The following CD300E variants were observed in gnomAD, a reference collection of about 807,000 sequenced individuals.
CD300E encodes CMRF35-like molecule 2.
In CD300E, 14 loss-of-function variants were observed where a neutral mutation model predicts 20.9. The observed-to-expected ratio is 0.67, with a 90% CI of 0.44 to 1.05. The LOEUF (loss-of-function observed/expected upper bound fraction) is 1.05, where lower values mean the gene tolerates loss of function less well. Ranked by LOEUF, CD300E falls within the 50% of genes least tolerant of loss-of-function variation. The probability of loss-of-function intolerance (pLI) is 0.00; values close to 1 mark genes in which losing one functional copy is unlikely to be tolerated. For synonymous variants in CD300E, 102 were observed against 103.7 expected, an observed-to-expected ratio of 0.98 and a Z score of 0.10; for missense variants, 237 against 253.9, an observed-to-expected ratio of 0.93 and a Z score of 0.45.
intron 3 of CD300E, among the ~76,000 whole-genome samples, chr17:74,613,235 G>T (rs1249453867): frequency 1.3e-5 from 2 of 152,186 alleles, no homozygotes; most frequent in Non-Finnish European, 2.9e-5. Context: ...CTCCTGAGTA[G>T]CTGGGACTAC....
intron 1 of CD300E, among the ~76,000 whole-genome samples, chr17:74,620,102 G>A (rs2030988871): frequency 1.3e-5 from 2 of 152,234 alleles, no homozygotes; most frequent in Admixed American, 1.3e-4. Flanking sequence ...ACTTTGGGAG[G>A]CCGAGGCAGG....
chr17:74,622,559 T>A (rs1251590608), intron 1 of CD300E, among the ~76,000 whole-genome samples: 1 of 152,208 alleles, frequency 6.6e-6, no homozygotes, highest in Non-Finnish European at 1.5e-5. Flanking sequence ...AAGAATGTCC[T>A]CTAATTTTTA....
chr17:74,620,938 G>A (rs1031716735), intron 1 of CD300E, among the ~76,000 whole-genome samples: 2 of 152,074 alleles, frequency 1.3e-5, no homozygotes, highest in African/African-American at 4.8e-5. Flanking sequence ...AGCTACTCGG[G>A]AGGCCGAGGC....
At chr17:74,619,291 G>T in intron 1 of CD300E, 1 of 374,432 alleles carries the variant, frequency 2.7e-6, no homozygotes, top group Non-Finnish European at 5.4e-6. Context: ...AGGGATCCTT[G>T]CTGGAGAGCT....
At chr17:74,622,471 A>G (rs2031042362) in intron 1 of CD300E, among the ~76,000 whole-genome samples, 1 of 152,206 alleles carries the variant, frequency 6.6e-6, no homozygotes, top group African/African-American at 2.4e-5. Context: ...ACCCTTCTAG[A>G]AAGAATCTTG....
chr17:74,623,531 A>G (rs1292236578), intron 1 of CD300E, 51 bp downstream of exon 1: 30 of 1,584,154 alleles, frequency 1.9e-5, no homozygotes, highest in Non-Finnish European at 1.6e-5. Flanking sequence ...TCTTCTACCT[A>G]CTGTCCTGCC....
intron 1 of CD300E, among the ~76,000 whole-genome samples, chr17:74,618,342 C>CGT (rs968097387): frequency 2.6e-5 from 4 of 152,006 alleles, no homozygotes; most frequent in African/African-American, 7.3e-5. Context: ...TGCATGTGCA[C>CGT]GTGTGTGTGG....
Position 74,612,652 on chromosome 17 carries a change from TC to T in CD300E, c.618del (p.Ter206=). 1 of 1,613,276 alleles carries T rather than the reference TC, an allele frequency of 6.2e-7. No individual in the cohort carries two copies. The highest frequency in any genetic ancestry group is 8.5e-7 in the Non-Finnish European group (1 of 1,179,852). ...NRPQWAPPGR[*>X] Reference sequence around the variant, plus strand: ...CTGCAGGGCTTCGGGTCAGCCTGGCTCTATCTTCCAGGAGGAGCCCACTGAG... The same window carrying T: ...CTGCAGGGCTTCGGGTCAGCCTGGCTTATCTTCCAGGAGGAGCCCACTGAG... On this transcript the variant is annotated frameshift_variant and stop_lost, in exon 4 of 4. Transcript: ENST00000392619. LOFTEE classifies it high-confidence loss of function.
chr17:74,623,121 C>T (rs1183529944), intron 1 of CD300E, among the ~76,000 whole-genome samples: 1 of 152,194 alleles, frequency 6.6e-6, no homozygotes, highest in South Asian at 2.1e-4. Context: ...TTGAACTCTC[C>T]ATGGTCTTTA....
intron 2 of CD300E, among the ~76,000 whole-genome samples, chr17:74,615,817 G>A (rs910512397): frequency 2.0e-5 from 3 of 152,212 alleles, no homozygotes; most frequent in Admixed American, 6.5e-5. Context: ...TGGGCATGGT[G>A]TCTCACTCCT....
In CD300E at chr17:74,610,296, C is replaced by T. The variant is rs936087669; in HGVS notation, c.*2357G>A. On this transcript the variant is annotated 3_prime_UTR_variant, in exon 4 of 4. Coordinates refer to ENST00000392619, the MANE Select transcript of CD300E (RefSeq NM_181449.3). ...CCTTTGTCTTTAAATGCAGGTGCCC[C>T]GAGGGCTCTGTCCTTGGTTCTGAAC... The T allele has an allele frequency of 5.3e-5, 8 of 152,310 alleles. No homozygotes were observed. The highest frequency in any genetic ancestry group is 1.4e-4 in the African/African-American group (6 of 41,422). 9.4% of individuals were successfully genotyped at this position (152,310 alleles called of 1,614,324 possible).
chr17:74,619,236 A>C, intron 1 of CD300E: 1 of 443,248 alleles, frequency 2.3e-6, no homozygotes, highest in Non-Finnish European at 4.7e-6. Context: ...TGTCACAGCC[A>C]AGAGTCTGGT....
intron 2 of CD300E, among the ~76,000 whole-genome samples, chr17:74,616,077 A>G (rs2030893001): frequency 6.6e-6 from 1 of 152,080 alleles, no homozygotes. Context: ...GAGTGAGACC[A>G]TGTCTCAATA....
rs1249684585 is a variant in CD300E, at chr17:74,617,285, C to A, written c.221G>T (p.Gly74Val). 1.2e-6 allele frequency: 2 copies of A among 1,614,222 alleles called. No homozygotes were observed. The highest frequency in any genetic ancestry group is 1.7e-6 in the Non-Finnish European group (2 of 1,180,044). The change falls in exon 2 of 4, where the codon GGC becomes GTC. Residue 74 changes from glycine to valine, a missense_variant. Physicochemically the swap from Gly to Val is moderately radical, Grantham distance 109 (BLOSUM62 -3). Coordinates refer to ENST00000392619, the MANE Select transcript of CD300E (RefSeq NM_181449.3). Reference protein sequence around the residue: ...TKGEEKVERNGRVSIRDHPEA... With the variant: ...TKGEEKVERNVRVSIRDHPEA... ...CGGGTGGTCTCTGATGGACACGCGGCCATTCCTCTCCACCTTCTCTTCTCC... is the reference window on the plus strand; with the variant it reads ...CGGGTGGTCTCTGATGGACACGCGGACATTCCTCTCCACCTTCTCTTCTCC...
chr17:74,623,451 CA>C, intron 1 of CD300E, 130 bp downstream of exon 1: 1 of 804,638 alleles, frequency 1.2e-6, no homozygotes. Flanking sequence ...GAAGGATGCA[CA>C]GGTGAATGAA....
At chr17:74,619,467 T>C (rs1358136452) in intron 1 of CD300E, 2 of 187,542 alleles carry the variant, frequency 1.1e-5, no homozygotes, top group South Asian at 9.4e-5. Flanking sequence ...AATTCCTCAA[T>C]TGCGTAAGAG....
intron 2 of CD300E, among the ~76,000 whole-genome samples, chr17:74,616,901 C>T (rs150485829): frequency 5.3e-5 from 8 of 152,290 alleles, no homozygotes; most frequent in African/African-American, 1.9e-4. Context: ...GGCCCAGGCC[C>T]TATGGGAGTG....
intron 1 of CD300E, among the ~76,000 whole-genome samples, chr17:74,620,907 G>C (rs2031007853): frequency 1.3e-5 from 2 of 152,070 alleles, no homozygotes; most frequent in Admixed American, 1.3e-4. Flanking sequence ...GCCAGGTGTG[G>C]TGGCATACGC....
At chr17:74,614,081 A>G (rs200555231) in intron 2 of CD300E, 48 bp from the exon 3 acceptor site, 3 of 1,429,068 alleles carry the variant, frequency 2.1e-6, no homozygotes, top group African/African-American at 2.8e-5. Flanking sequence ...GCTCCCAGCC[A>G]TGCACAGAAC....
Sources: allele counts gnomAD v4.1 joint callset (sites outside exome capture counted in the v4.1 genomes callset), GRCh38; gene constraint gnomAD v4.1.1; transcripts MANE v1.5; gene names NCBI Gene and HGNC (gene_info 2026-07-23, HGNC 2026-07-21).